PCDHA13: variants seen among roughly 807,000 people sequenced by gnomAD.
PCDHA13 encodes the protein protocadherin alpha-13.
PCDHA13 carries 54 observed loss-of-function variants against 64.8 expected under a neutral mutation model. The ratio of observed to expected loss-of-function variants is 0.83; its 90% CI spans 0.67 to 1.04. The LOEUF (loss-of-function observed/expected upper bound fraction) is 1.04, where lower values mean the gene tolerates loss of function less well. PCDHA13 is among the 50% of genes least tolerant of loss of function. PCDHA13 has a pLI of 0.00. For synonymous variants in PCDHA13, 587 were observed against 564.4 expected, an observed-to-expected ratio of 1.04 and a Z score of -0.57; for missense variants, 1,248 against 1,254.3, an observed-to-expected ratio of 0.99 and a Z score of 0.08.
intron 1 of PCDHA13, among the ~76,000 whole-genome samples, chr5:140,911,798 T>C (rs1387986120): frequency 6.6e-6 from 1 of 152,178 alleles, no homozygotes; most frequent in Non-Finnish European, 1.5e-5. Context: ...GGTCTAATCA[T>C]ATTAAGCAGC....
intron 1 of PCDHA13, among the ~76,000 whole-genome samples, chr5:140,952,912 C>A (rs1554220675): frequency 6.6e-6 from 1 of 152,042 alleles, no homozygotes; most frequent in East Asian, 1.9e-4. Flanking sequence ...GCTCATCTTA[C>A]ATGGCATGAG....
Position 140,882,990 on chromosome 5 carries a change from A to C in PCDHA13, c.722A>C (p.Glu241Ala). The part of the protein sequence containing the change: ...TILDVNDNAP[E>A]FYQSVYKVTV... ...CTGGACGTGAATGACAACGCCCCGG[A>C]ATTTTACCAATCCGTTTATAAAGTG... Residue 241 changes from glutamate (E) to alanine (A), a missense_variant, in exon 1 of 4, where the codon GAA (glutamate) becomes GCA (alanine). Glu to Ala is a moderately radical substitution (Grantham distance 107). Coordinates refer to ENST00000289272, the MANE Select transcript of PCDHA13 (RefSeq NM_018904.3). 1 of 1,614,130 alleles carries C rather than the reference A, an allele frequency of 6.2e-7. No individual in the cohort carries two copies. The highest frequency in any genetic ancestry group is 2.2e-5 in the East Asian group (1 of 44,878).
chr5:140,950,874 G>C (rs1237864508), intron 1 of PCDHA13, among the ~76,000 whole-genome samples: 20 of 151,700 alleles, frequency 1.3e-4, no homozygotes, highest in African/African-American at 4.8e-4. Flanking sequence ...ATTCTATATT[G>C]TTCAATAGGT....
Position 140,883,920 on chromosome 5 carries a change from T to C in PCDHA13, c.1652T>C (p.Leu551Pro). ...CCGCCTCTGGGCAGCAACGTGACGCTGCAGGTGTTCGTGCTGGACGAGAAC... is the reference window on the plus strand; with the variant it reads ...CCGCCTCTGGGCAGCAACGTGACGCCGCAGGTGTTCGTGCTGGACGAGAAC... ...GVPPLGSNVTLQVFVLDENDN... is the reference protein window; with the variant it reads ...GVPPLGSNVTPQVFVLDENDN... Residue 551 changes from leucine (L) to proline (P), a missense_variant, in exon 1 of 4, where the codon CTG (leucine) becomes CCG (proline). By Grantham distance (98) the Leu-to-Pro change is moderately conservative. Coordinates refer to ENST00000289272, the MANE Select transcript of PCDHA13 (RefSeq NM_018904.3). 6.2e-7 allele frequency: 1 copy of C among 1,613,492 alleles called. No homozygotes were observed. The highest frequency in any genetic ancestry group is 8.5e-7 in the Non-Finnish European group (1 of 1,179,854).
At chr5:140,935,104 A>C (rs1233919640) in intron 1 of PCDHA13, among the ~76,000 whole-genome samples, 1 of 152,126 alleles carries the variant, frequency 6.6e-6, no homozygotes, top group South Asian at 2.1e-4. Flanking sequence ...GCCATTTTTC[A>C]AAGAGCTTTC....
At chr5:140,967,712 G>A in intron 1 of PCDHA13, 2 of 1,614,196 alleles carry the variant, frequency 1.2e-6, no homozygotes, top group Non-Finnish European at 1.7e-6. Flanking sequence ...CAGTACCGGG[G>A]AAGTGCGAGT....
chr5:140,936,868 A>T (rs543976186), intron 1 of PCDHA13, among the ~76,000 whole-genome samples: 3 of 152,270 alleles, frequency 2.0e-5, no homozygotes, highest in South Asian at 2.1e-4. Flanking sequence ...TTTCTATTTT[A>T]AAAAACCCTG....
intron 1 of PCDHA13, among the ~76,000 whole-genome samples, chr5:140,896,047 G>T (rs1369678792): frequency 6.6e-6 from 1 of 152,138 alleles, no homozygotes; most frequent in Non-Finnish European, 1.5e-5. Context: ...CTGACCTCAG[G>T]TGATCCGCCT....
intron 1 of PCDHA13, among the ~76,000 whole-genome samples, chr5:140,975,119 A>C (rs2096654213): frequency 6.6e-6 from 1 of 152,038 alleles, no homozygotes; most frequent in African/African-American, 2.4e-5. Context: ...CTGTTTTCCT[A>C]CTTACTATTG....
intron 3 of PCDHA13, among the ~76,000 whole-genome samples, chr5:140,989,557 G>A (rs933151682): frequency 6.6e-6 from 1 of 152,166 alleles, no homozygotes; most frequent in Non-Finnish European, 1.5e-5. Context: ...TTTACGTTTT[G>A]TGGCTCCGGC....
At chr5:140,972,729 T>G (rs574244702) in intron 1 of PCDHA13, among the ~76,000 whole-genome samples, 47 of 147,600 alleles carry the variant, frequency 3.2e-4, no homozygotes, top group African/African-American at 1.1e-3. Context: ...AGTGGCGTAA[T>G]CCCGGCTCAC....
chr5:140,883,568 T>C lies in PCDHA13; in HGVS notation c.1300T>C (p.Ser434Pro). The C allele has an allele frequency of 1.9e-6, 3 of 1,614,110 alleles. No individual in the cohort carries two copies. The highest frequency in any genetic ancestry group is 2.5e-6 in the Non-Finnish European group (3 of 1,180,008). ...GACCGCGCGGGACGGGGGCTCGCCT[T>C]CGCTGTGGGCCACGGCCAGCGTGTC... ...VVTARDGGSP[S>P]LWATASVSVG... is the part of the protein sequence containing the mutation. Residue 434 changes from serine to proline, a missense_variant, in exon 1 of 4, where the codon TCG (serine) becomes CCG (proline). Ser to Pro is a moderately conservative substitution (Grantham distance 74, BLOSUM62 -1). Coordinates refer to ENST00000289272, the MANE Select transcript of PCDHA13 (RefSeq NM_018904.3).
At chr5:140,993,463 CACACACACACACACACACA>C (rs1563592092) in intron 3 of PCDHA13, among the ~76,000 whole-genome samples, 163 of 7,580 alleles carry the variant, frequency 0.022, 1 homozygote, top group African/African-American at 0.091. Context: ...CTTTCTTTCT[CACACACACACACACACACA>C]CACACACACA....
At chr5:140,999,088 G>T (rs1429141341) in intron 3 of PCDHA13, among the ~76,000 whole-genome samples, 1 of 152,156 alleles carries the variant, frequency 6.6e-6, no homozygotes, top group Non-Finnish European at 1.5e-5. Context: ...TCCTTCAGAG[G>T]GCTATGGAGA....
At chr5:140,976,970 C>A (rs1294728864) in intron 1 of PCDHA13, among the ~76,000 whole-genome samples, 3 of 152,140 alleles carry the variant, frequency 2.0e-5, no homozygotes, top group African/African-American at 7.2e-5. Context: ...CTTTCCTTTT[C>A]CCTGCCTGAT....
intron 1 of PCDHA13, among the ~76,000 whole-genome samples, chr5:140,888,973 A>G (rs1173174070): frequency 2.6e-5 from 4 of 152,078 alleles, no homozygotes; most frequent in African/African-American, 9.7e-5. Flanking sequence ...TAATGTGTTG[A>G]ATTTATGATT....
Position 140,883,296 on chromosome 5 carries a change from TA to T in PCDHA13, c.1031del (p.Asn344MetfsTer28), listed in dbSNP as rs1389927639. 1 of 1,613,994 alleles carries T rather than the reference TA, an allele frequency of 6.2e-7. No homozygotes were observed. Among genetic ancestry groups the T allele is most frequent in the African/African-American group, 1.3e-5 (1 of 74,894 alleles). ...ACCCTTTTGGTGGAAGTACTAGATG[TA>T]AATGATAACGCCCCAGAGGTTACCA... ...HCTLLVEVLD[V>X]NDNAPEVTIT... On this transcript the variant is annotated frameshift_variant, in exon 1 of 4. Transcript: ENST00000289272. LOFTEE classifies it high-confidence loss of function.
At chr5:140,927,259 C>G (rs1262444613) in intron 1 of PCDHA13, 5 of 1,614,042 alleles carry the variant, frequency 3.1e-6, no homozygotes, top group Non-Finnish European at 3.4e-6. Flanking sequence ...CAACTCACCT[C>G]TCTTTCCTGC....
intron 1 of PCDHA13, among the ~76,000 whole-genome samples, chr5:140,952,816 C>T (rs2094802630): frequency 6.6e-6 from 1 of 152,134 alleles, no homozygotes; most frequent in South Asian, 2.1e-4. Context: ...GCAGGCTGTA[C>T]AGGAAGCATG....
Sources: gnomAD v4.1 joint callset for allele counts (sites outside exome capture counted in the v4.1 genomes callset) on GRCh38, gnomAD v4.1.1 for gene constraint, MANE v1.5 for transcripts, NCBI Gene and HGNC (gene_info 2026-07-23, HGNC 2026-07-21) for gene names.